The following TTLL5 variants were observed in gnomAD, a reference collection of about 807,000 sequenced individuals.
TTLL5 encodes tubulin tyrosine ligase like 5.
In TTLL5, 132 loss-of-function variants were observed where a neutral mutation model predicts 168.4. The ratio of observed to expected loss-of-function variants is 0.78; its 90% CI spans 0.68 to 0.91. The LOEUF (loss-of-function observed/expected upper bound fraction) is 0.91. Among genes scored for constraint, TTLL5 ranks in the 40% least tolerant of loss-of-function variants. The pLI is 0.00. For synonymous variants in TTLL5, 546 were observed against 558.6 expected (o/e 0.98, Z 0.32); for missense variants, 1,545 against 1,581.5 (o/e 0.98, Z 0.39).
chr14:75,806,494 A>G (rs747897716), intron 27 of TTLL5, among the ~76,000 whole-genome samples: 33 of 152,156 alleles, frequency 2.2e-4, no homozygotes, highest in Non-Finnish European at 4.1e-4. Flanking sequence ...CTGTCTCCCT[A>G]CTATCACACA....
At position 75,732,365 on chromosome 14, in the gene TTLL5, A is replaced by T. The variant is rs756216913; in HGVS notation, c.1070A>T (p.Asp357Val). The T allele has an allele frequency of 6.8e-6, 11 of 1,613,828 alleles. No homozygotes were observed. The Admixed American group carries it at 1.8e-4, about 27-fold the overall frequency. Reference protein sequence around the residue: ...FELYGFDVLIDSTLKPWLLEV... With the variant: ...FELYGFDVLIVSTLKPWLLEV... The stretch of plus-strand genomic sequence containing the variant: ...CTCTATGGCTTTGACGTGCTCATAG[A>T]TTCTACTCTGAAGCCATGGTTGTTG... Residue 357 changes from aspartate to valine, a missense_variant, in exon 13 of 32, where the codon GAT becomes GTT. Physicochemically the swap from Asp to Val is radical, Grantham distance 152 (BLOSUM62 -3). Transcript: ENST00000298832.
intron 31 of TTLL5, among the ~76,000 whole-genome samples, chr14:75,923,932 G>A (rs1595275787): frequency 1.3e-5 from 2 of 152,044 alleles, no homozygotes; most frequent in East Asian, 3.8e-4. Flanking sequence ...AGCTCTTCTT[G>A]TTGAATTGAT....
At chr14:75,856,466 C>T (rs962860578) in intron 28 of TTLL5, among the ~76,000 whole-genome samples, 2 of 152,116 alleles carry the variant, frequency 1.3e-5, no homozygotes, top group Non-Finnish European at 2.9e-5. Context: ...AATATTGAGT[C>T]TCCCAGTGAG....
intron 20 of TTLL5, among the ~76,000 whole-genome samples, chr14:75,766,583 G>A (rs1022186494): frequency 4.6e-5 from 7 of 152,068 alleles, no homozygotes; most frequent in Middle Eastern, 3.2e-3. Context: ...ATACAAACCC[G>A]GGTCTCATTG....
At chr14:75,914,905 G>T (rs969560089) in intron 31 of TTLL5, among the ~76,000 whole-genome samples, 6 of 152,172 alleles carry the variant, frequency 3.9e-5, no homozygotes, top group Non-Finnish European at 8.8e-5. Flanking sequence ...TTACAGGCAT[G>T]AGCCACTGTG....
chr14:75,762,395 A>AAAATAAAT (rs758956557), intron 18 of TTLL5, among the ~76,000 whole-genome samples: 2 of 152,180 alleles, frequency 1.3e-5, no homozygotes, highest in African/African-American at 4.8e-5. Flanking sequence ...ACTCCGTCTC[A>AAAATAAAT]AAATAAATAA....
chr14:75,701,602 C>T, intron 7 of TTLL5, among the ~76,000 whole-genome samples: 1 of 152,138 alleles, frequency 6.6e-6, no homozygotes, highest in East Asian at 1.9e-4. Context: ...TGGTGATCTC[C>T]CTCTTGGGCA....
intron 28 of TTLL5, among the ~76,000 whole-genome samples, chr14:75,855,660 A>G (rs990151301): frequency 1.3e-5 from 2 of 152,212 alleles, no homozygotes; most frequent in Non-Finnish European, 2.9e-5. Flanking sequence ...AAGTTTTCCC[A>G]AATCTCTGAC....
At chr14:75,694,553 C>G (rs112684569) in intron 6 of TTLL5, among the ~76,000 whole-genome samples, 2 of 152,078 alleles carry the variant, frequency 1.3e-5, no homozygotes, top group African/African-American at 4.8e-5. Context: ...AGGCTAGTCT[C>G]GAACTCCTGA....
rs750685318 is a variant in TTLL5 at position 75,863,873 on chromosome 14, A to G, written c.3522+11A>G. 5.4e-6 allele frequency: 6 copies of G among 1,111,510 alleles called. No individual in the cohort carries two copies. Among genetic ancestry groups the G allele is most frequent in the South Asian group, 2.6e-5 (2 of 77,198 alleles). 68.9% of individuals were successfully genotyped at this position (1,111,510 alleles called of 1,614,324 possible). ...CGAGCCCGGCACCAGGTAATTCAAGATAAGTCTTTTCCATGTGTTATATCT... is the reference window on the plus strand; with the variant it reads ...CGAGCCCGGCACCAGGTAATTCAAGGTAAGTCTTTTCCATGTGTTATATCT... On this transcript the variant is annotated intron_variant, in intron 29 of 31. Coordinates refer to ENST00000298832, the MANE Select transcript of TTLL5 (RefSeq NM_015072.5).
intron 17 of TTLL5, among the ~76,000 whole-genome samples, chr14:75,746,696 A>G (rs1284869381): frequency 6.6e-6 from 1 of 151,728 alleles, no homozygotes; most frequent in Admixed American, 6.6e-5. Context: ...CCAGGTAGCT[A>G]GGACTACAGG....
chr14:75,713,422 A>G (rs1163056665), intron 9 of TTLL5, among the ~76,000 whole-genome samples: 3 of 152,194 alleles, frequency 2.0e-5, no homozygotes, highest in African/African-American at 7.2e-5. Flanking sequence ...AGGTTTGTGT[A>G]AATACGCTCT....
rs770605045 is a variant in TTLL5, at chr14:75,764,727, AGAC to A, written c.1668_1670del (p.Arg557del). 76 of 1,614,078 alleles carry A rather than the reference AGAC, an allele frequency of 4.7e-5. No homozygotes were observed. The highest frequency in any genetic ancestry group is 6.2e-5 in the Non-Finnish European group (73 of 1,180,020). On this transcript the variant is annotated inframe_deletion, in exon 19 of 32. Coordinates refer to ENST00000298832, the MANE Select transcript of TTLL5 (RefSeq NM_015072.5). ...CCTGTCTCTGGAGGTGCGAAAACGTAGACGACGGAGTAGCAGATTGAGGGCAAT... is the reference window on the plus strand; with the variant it reads ...CCTGTCTCTGGAGGTGCGAAAACGTAGACGGAGTAGCAGATTGAGGGCAAT...
rs1883547032 is a variant in TTLL5 at position 75,669,495 on chromosome 14, A to C, written c.154A>C (p.Lys52Gln). Residue 52 changes from lysine to glutamine, a missense_variant, in exon 3 of 32, where the codon AAG becomes CAG. Coordinates refer to ENST00000298832, the MANE Select transcript of TTLL5 (RefSeq NM_015072.5). ...ATTCCATGCCGACGCTATTCTTACA[A>C]AGGACAACAATATTAGAGTAATTGG... ...LVFHADAILTKDNNIRVIGER... is the reference protein window; with the variant it reads ...LVFHADAILTQDNNIRVIGER... The C allele has an allele frequency of 6.2e-7, 1 of 1,613,998 alleles. No individual in the cohort carries two copies. The highest frequency in any genetic ancestry group is 2.2e-5 in the East Asian group (1 of 44,890).
intron 31 of TTLL5, among the ~76,000 whole-genome samples, chr14:75,912,948 C>G (rs978419441): frequency 6.6e-6 from 1 of 152,072 alleles, no homozygotes; most frequent in Non-Finnish European, 1.5e-5. Context: ...TTGTGGTCTT[C>G]GTAATCCAAG....
At chr14:75,942,960 G>C (rs1162408701) in intron 31 of TTLL5, among the ~76,000 whole-genome samples, 1 of 152,164 alleles carries the variant, frequency 6.6e-6, no homozygotes, top group African/African-American at 2.4e-5. Flanking sequence ...TAAATGCCAA[G>C]TGAGTGTATA....
At chr14:75,934,768 C>G (rs1437445615) in intron 31 of TTLL5, among the ~76,000 whole-genome samples, 1 of 152,092 alleles carries the variant, frequency 6.6e-6, no homozygotes, top group Non-Finnish European at 1.5e-5. Flanking sequence ...ACAATCTTGG[C>G]TGATGGAGAA....
At chr14:75,709,244 T>C in intron 9 of TTLL5, 1 of 760,470 alleles carries the variant, frequency 1.3e-6, no homozygotes, top group South Asian at 1.3e-5. Flanking sequence ...GTACAGGTGC[T>C]TTGACAGATA....
chr14:75,822,514 C>T, intron 28 of TTLL5, among the ~76,000 whole-genome samples: 1 of 152,122 alleles, frequency 6.6e-6, no homozygotes, highest in Non-Finnish European at 1.5e-5. Flanking sequence ...CTAGGGGCTG[C>T]CTTGTAAACT....
Sources: gnomAD v4.1 joint callset for allele counts (sites outside exome capture counted in the v4.1 genomes callset) on GRCh38, gnomAD v4.1.1 for gene constraint, MANE v1.5 for transcripts, NCBI Gene and HGNC (gene_info 2026-07-23, HGNC 2026-07-21) for gene names.